POU2F1: variants seen among roughly 807,000 people sequenced by gnomAD.
The protein encoded by POU2F1 is POU class 2 homeobox 1, also known as POU domain, class 2, transcription factor 1.
In POU2F1, 16 loss-of-function variants were observed where a neutral mutation model predicts 84.9. That is an observed-to-expected ratio of 0.19 (90% CI 0.13 to 0.29). POU2F1 has a LOEUF of 0.29. POU2F1 is among the 10% of genes least tolerant of loss of function. The pLI, the probability that POU2F1 is intolerant of heterozygous loss-of-function variation, is 1.00. For synonymous variants in POU2F1, 368 were observed against 368.3 expected, an observed-to-expected ratio of 1.00 and a Z score of 0.01; for missense variants, 738 against 942.6, an observed-to-expected ratio of 0.78 and a Z score of 2.84.
chr1:167,289,167 TC>T (rs1653739746), intron 1 of POU2F1, among the ~76,000 whole-genome samples: 1 of 152,224 alleles, frequency 6.6e-6, no homozygotes, highest in African/African-American at 2.4e-5. Context: ...AGCACATGTT[TC>T]TTTTTTTGAA....
At chr1:167,325,238 G>A (rs988046420) in intron 1 of POU2F1, among the ~76,000 whole-genome samples, 4 of 152,172 alleles carry the variant, frequency 2.6e-5, no homozygotes, top group African/African-American at 7.2e-5. Flanking sequence ...GGTTGGAAAG[G>A]ATATTGGTGT....
rs1400224688 is a variant in POU2F1, at chr1:167,424,212, T to C, written c.*8402T>C. ...GAATAGGTTTAAAACTGCAAACAGT[T>C]GGAGAACATGGAACAGGTTGGTGCA... is the stretch of plus-strand genomic sequence containing the variant. On this transcript the variant is annotated 3_prime_UTR_variant, in exon 16 of 16. Coordinates refer to ENST00000367866, the MANE Select transcript of POU2F1 (RefSeq NM_002697.4). 1 of 152,250 alleles carries C rather than the reference T, an allele frequency of 6.6e-6. No individual in the cohort carries two copies. Among genetic ancestry groups the C allele is most frequent in the Non-Finnish European group, 1.5e-5 (1 of 68,056 alleles). The allele number at this position is 152,250 out of a possible 1,614,324, so 9.4% of individuals were successfully genotyped here. A position where few individuals can be genotyped will look rare whatever the true frequency, so the allele number is the denominator to read the frequency against.
At chr1:167,271,451 G>A (rs1372121768) in intron 1 of POU2F1, among the ~76,000 whole-genome samples, 1 of 152,230 alleles carries the variant, frequency 6.6e-6, no homozygotes, top group Non-Finnish European at 1.5e-5. Context: ...ATGGTTGAAA[G>A]AGAAAAGGCA....
intron 13 of POU2F1, among the ~76,000 whole-genome samples, chr1:167,404,328 A>G (rs1255377381): frequency 6.6e-6 from 1 of 152,094 alleles, no homozygotes; most frequent in Non-Finnish European, 1.5e-5. Context: ...GTAGCCTGTA[A>G]GGGTTTTTCC....
intron 2 of POU2F1, among the ~76,000 whole-genome samples, chr1:167,336,970 A>T (rs1159660456): frequency 6.6e-6 from 1 of 152,184 alleles, no homozygotes; most frequent in Non-Finnish European, 1.5e-5. Flanking sequence ...GTTTGAGACC[A>T]GCCTGACCAA....
Position 167,399,235 on chromosome 1 carries a change from A to G in POU2F1, c.1319A>G (p.Asn440Ser), listed in dbSNP as rs1323893482. The G allele has an allele frequency of 1.2e-5, 19 of 1,613,884 alleles. No homozygotes were observed. The highest frequency in any genetic ancestry group is 1.6e-4 in the Middle Eastern group (1 of 6,084). Residue 440 changes from asparagine (N) to serine (S), a missense_variant, in exon 12 of 16, where the codon AAT (asparagine) becomes AGT (serine). By Grantham distance (46) the Asn-to-Ser change is conservative. Around this residue, in one of 4 missense-constraint regions of POU2F1, gnomAD observed 95 missense variants for 195.1 expected, o/e 0.49. Transcript: ENST00000367866. ...EEITMIADQL[N>S]MEKEVIRVWF... ...ATCACTATGATTGCTGATCAGCTCAATATGGAAAAAGAGGTGATTCGTGTT... is the reference window on the plus strand; with the variant it reads ...ATCACTATGATTGCTGATCAGCTCAGTATGGAAAAAGAGGTGATTCGTGTT...
rs753615119 is a variant in POU2F1, at chr1:167,415,603, G to T, written c.2094G>T (p.Leu698=). The T allele has an allele frequency of 2.5e-5, 40 of 1,614,048 alleles. No homozygotes were observed. In the Middle Eastern group the frequency reaches 6.6e-4, roughly 27 times the overall value. The part of the protein sequence containing the change: ...GGAPNIVTAP[L]FLNPQNLSLL... ...CCCCCAACATCGTGACTGCCCCTCT[G>T]TTCCTGAACCCTCAGAACCTCTCTC... Residue 698 remains leucine (L), a synonymous_variant, in exon 16 of 16, where the codon CTG becomes CTT. Coordinates refer to ENST00000367866, the MANE Select transcript of POU2F1 (RefSeq NM_002697.4).
At chr1:167,349,255 C>T (rs1658401499) in intron 2 of POU2F1, among the ~76,000 whole-genome samples, 1 of 152,088 alleles carries the variant, frequency 6.6e-6, no homozygotes, top group African/African-American at 2.4e-5. Context: ...CTTGCCTTCT[C>T]CCTTTCCCCT....
At chr1:167,247,118 C>G (rs1650386971) in intron 1 of POU2F1, among the ~76,000 whole-genome samples, 1 of 151,582 alleles carries the variant, frequency 6.6e-6, no homozygotes, top group African/African-American at 2.4e-5. Context: ...CTCTGTCGCC[C>G]AGGATGAAGT....
At chr1:167,351,740 A>AGAG (rs1222193032) in intron 2 of POU2F1, among the ~76,000 whole-genome samples, 1 of 152,044 alleles carries the variant, frequency 6.6e-6, no homozygotes, top group Non-Finnish European at 1.5e-5. Context: ...TCAGAGCTAG[A>AGAG]GAGGAGGGTG....
At chr1:167,328,899 A>G (rs1341876976) in intron 1 of POU2F1, 4 of 287,788 alleles carry the variant, frequency 1.4e-5, no homozygotes, top group Non-Finnish European at 2.1e-5. Context: ...AGATTTGCAT[A>G]AGGCCCTAAT....
intron 1 of POU2F1, among the ~76,000 whole-genome samples, chr1:167,325,430 G>T (rs1306076026): frequency 6.6e-6 from 1 of 152,142 alleles, no homozygotes; most frequent in Non-Finnish European, 1.5e-5. Context: ...TGACCAGGCT[G>T]GATGTTAATG....
intron 1 of POU2F1, among the ~76,000 whole-genome samples, chr1:167,230,041 A>G (rs544832635): frequency 2.6e-5 from 4 of 152,168 alleles, no homozygotes; most frequent in Admixed American, 1.3e-4. Context: ...TCAGATTTTA[A>G]TTTTTAAAGA....
chr1:167,222,804 A>T (rs560261790), intron 1 of POU2F1, among the ~76,000 whole-genome samples: 2 of 152,114 alleles, frequency 1.3e-5, no homozygotes, highest in African/African-American at 4.8e-5. Flanking sequence ...TAGGGGGAAA[A>T]ATCTGTCCTG....
At chr1:167,392,819 A>G (rs540702115) in intron 9 of POU2F1, among the ~76,000 whole-genome samples, 5 of 152,236 alleles carry the variant, frequency 3.3e-5, no homozygotes, top group African/African-American at 1.2e-4. Flanking sequence ...AAATCAGTCT[A>G]TCAACCTCTG....
chr1:167,268,337 CAGT>C (rs1196449990), intron 1 of POU2F1, among the ~76,000 whole-genome samples: 1 of 152,136 alleles, frequency 6.6e-6, no homozygotes, highest in Non-Finnish European at 1.5e-5. Flanking sequence ...AAAAAACTGG[CAGT>C]AGAACTAATT....
intron 15 of POU2F1, 149 bp from the exon 16 acceptor site, chr1:167,415,351 C>T: frequency 1.3e-6 from 1 of 777,190 alleles, no homozygotes; most frequent in Middle Eastern, 2.4e-4. Flanking sequence ...CAATATAGCA[C>T]TGTGTTTGAG....
At chr1:167,365,132 C>T (rs1390163150) in intron 2 of POU2F1, among the ~76,000 whole-genome samples, 1 of 152,176 alleles carries the variant, frequency 6.6e-6, no homozygotes, top group Non-Finnish European at 1.5e-5. Flanking sequence ...TAGAAGAGAG[C>T]CTCAGGGTGT....
rs1385618469 is a variant in POU2F1, at chr1:167,422,267, G to A, written c.*6457G>A. The A allele has an allele frequency of 3.3e-5, 5 of 152,362 alleles. No individual in the cohort carries two copies. Among genetic ancestry groups the A allele is most frequent in the Non-Finnish European group, 5.9e-5 (4 of 68,056 alleles). 9.4% of individuals were successfully genotyped at this position (152,362 alleles called of 1,614,324 possible). ...CAGTTGAGAAACAGAGGCAGACATA[G>A]ACATGCACCAATTAATTTGGAGCCA... On this transcript the variant is annotated 3_prime_UTR_variant, in exon 16 of 16. Coordinates refer to ENST00000367866, the MANE Select transcript of POU2F1 (RefSeq NM_002697.4).
Sources: gnomAD v4.1 joint callset for allele counts (sites outside exome capture counted in the v4.1 genomes callset) on GRCh38, gnomAD v4.1.1 for gene constraint, gnomAD v4.1.1 regional missense constraint, MANE v1.5 for transcripts, NCBI Gene and HGNC (gene_info 2026-07-23, HGNC 2026-07-21) for gene names.